NPSR1: variants seen among roughly 807,000 people sequenced by gnomAD.
The protein encoded by NPSR1 is neuropeptide S receptor.
Under a neutral mutation model 46.9 loss-of-function variants are expected in NPSR1, and 48 were observed. The ratio of observed to expected loss-of-function variants is 1.02; its 90% CI spans 0.81 to 1.30. The LOEUF (loss-of-function observed/expected upper bound fraction) is 1.30. NPSR1 is among the 50% of genes most tolerant of loss of function. The probability of loss-of-function intolerance (pLI) is 0.00; values close to 1 mark genes in which losing one functional copy is unlikely to be tolerated. For synonymous variants in NPSR1, 176 were observed against 168.1 expected (o/e 1.05, Z -0.36); for missense variants, 450 against 449.5 (o/e 1.00, Z -0.01).
At chr7:34,683,005 A>C (rs1012259176) in intron 1 of NPSR1, among the ~76,000 whole-genome samples, 1 of 152,140 alleles carries the variant, frequency 6.6e-6, no homozygotes, top group African/African-American at 2.4e-5. Context: ...CCACATCACC[A>C]CAATGCCTAT....
At chr7:34,809,114 T>C in intron 3 of NPSR1, among the ~76,000 whole-genome samples, 1 of 152,116 alleles carries the variant, frequency 6.6e-6, no homozygotes, top group South Asian at 2.1e-4. Flanking sequence ...GGTTCTGCCA[T>C]TGTGTGCTTT....
intron 4 of NPSR1, among the ~76,000 whole-genome samples, chr7:34,813,624 A>G (rs529677432): frequency 1.3e-5 from 2 of 152,334 alleles, no homozygotes; most frequent in East Asian, 3.9e-4. Flanking sequence ...AATGCTAGAT[A>G]TTGTGTACAG....
intron 2 of NPSR1, chr7:34,728,890 A>G (rs1012170780): frequency 3.9e-5 from 6 of 152,662 alleles, no homozygotes; most frequent in African/African-American, 1.4e-4. Flanking sequence ...TTTAGAAAGC[A>G]TTTCTGCTTA....
Position 34,831,313 on chromosome 7 carries a change from TCACACACA to T in NPSR1, c.681-3050_681-3043del, listed in dbSNP as rs34669905. ...TCTCTCTCTCTGTCTCTCACACACA[TCACACACA>T]CACACACACACACACACACAAACAC... On this transcript the variant is annotated intron_variant, in intron 5 of 8. Coordinates refer to ENST00000360581, the MANE Select transcript of NPSR1 (RefSeq NM_207172.2). Among the ~76,000 whole-genome samples the T allele has an allele frequency of 2.5e-3, 377 of 148,168 alleles. 5 individuals carry two copies. Among genetic ancestry groups the T allele is most frequent in the Middle Eastern group, 0.011 (3 of 282 alleles).
At chr7:34,751,343 G>A (rs1785514405) in intron 2 of NPSR1, 1 of 1,017,886 alleles carries the variant, frequency 9.8e-7, no homozygotes, top group Non-Finnish European at 1.6e-6. Flanking sequence ...CCAAGGGTAG[G>A]TGAAGCAGCT....
At chr7:34,738,225 C>T (rs1562691313) in intron 2 of NPSR1, among the ~76,000 whole-genome samples, 1 of 152,140 alleles carries the variant, frequency 6.6e-6, no homozygotes, top group African/African-American at 2.4e-5. Flanking sequence ...TAGGCAATAC[C>T]TTCTTTCACT....
chr7:34,736,464 G>A lies in NPSR1; in HGVS notation c.281-41998G>A, dbSNP rs189641142. ...CCTGCCTCTTTTCATGATATTACTG[G>A]CAAAACTACAACCCTGGTAAAATCC... On this transcript the variant is annotated intron_variant, in intron 2 of 8. Coordinates refer to ENST00000360581, the MANE Select transcript of NPSR1 (RefSeq NM_207172.2). 4.3e-4 allele frequency among the ~76,000 whole-genome samples: 66 copies of A among 151,832 alleles called. 1 individual carries two copies. The highest frequency in any genetic ancestry group is 8.7e-4 in the African/African-American group (36 of 41,340).
At chr7:34,756,279 C>T (rs1290521160) in intron 2 of NPSR1, among the ~76,000 whole-genome samples, 3 of 152,192 alleles carry the variant, frequency 2.0e-5, no homozygotes, top group Non-Finnish European at 4.4e-5. Flanking sequence ...AATCTGTTCC[C>T]ATCTGGCACC....
At chr7:34,725,336 A>T (rs1320555538) in intron 2 of NPSR1, among the ~76,000 whole-genome samples, 1 of 152,190 alleles carries the variant, frequency 6.6e-6, no homozygotes, top group Non-Finnish European at 1.5e-5. Flanking sequence ...TTTATGTAAA[A>T]TTTACTATGT....
chr7:34,777,485 T>G (rs1320657366), intron 2 of NPSR1, among the ~76,000 whole-genome samples: 11 of 104,734 alleles, frequency 1.1e-4, no homozygotes, highest in East Asian at 2.6e-4. Flanking sequence ...TTTAAAACTG[T>G]TTTTTTTTTT....
intron 2 of NPSR1, among the ~76,000 whole-genome samples, chr7:34,730,401 T>C (rs979130973): frequency 1.2e-4 from 18 of 152,180 alleles, no homozygotes; most frequent in African/African-American, 3.9e-4. Context: ...CTGTTTCTGA[T>C]CTCTGCTCAA....
chr7:34,735,347 C>T (rs1266749204), intron 2 of NPSR1, among the ~76,000 whole-genome samples: 1 of 152,130 alleles, frequency 6.6e-6, no homozygotes, highest in African/African-American at 2.4e-5. Context: ...GAGACCACCC[C>T]AGAAGACACA....
chr7:34,741,081 C>A (rs1784918828), intron 2 of NPSR1, among the ~76,000 whole-genome samples: 1 of 152,148 alleles, frequency 6.6e-6, no homozygotes, highest in Non-Finnish European at 1.5e-5. Flanking sequence ...TTGTACATGA[C>A]AAGTCATTTC....
chr7:34,833,300 T>A (rs1790203490), intron 5 of NPSR1, among the ~76,000 whole-genome samples: 1 of 152,178 alleles, frequency 6.6e-6, no homozygotes, highest in Non-Finnish European at 1.5e-5. Context: ...GAAGAGTAGT[T>A]TTTATATTTA....
rs869170591 is a variant in NPSR1 at position 34,689,604 on chromosome 7, C to CAAAAAAA, written c.280+4944_280+4950dup. ...TGGATGACAGAGCCAGACTCTGTCT[C>CAAAAAAA]AAAAAAAAAAAAAAAAAAAAAAAAA... is the stretch of plus-strand genomic sequence containing the variant. On this transcript the variant is annotated intron_variant, in intron 2 of 8. Coordinates refer to ENST00000360581, the MANE Select transcript of NPSR1 (RefSeq NM_207172.2). 5.2e-3 allele frequency among the ~76,000 whole-genome samples: 192 copies of CAAAAAAA among 36,682 alleles called. 10 individuals are homozygous for CAAAAAAA. Among genetic ancestry groups the CAAAAAAA allele is most frequent in the Admixed American group, 0.01 (19 of 1,826 alleles). The allele number at this position is 36,682 out of a possible 152,430, so 24.1% of individuals were successfully genotyped here.
chr7:34,787,862 C>A (rs550526413), intron 3 of NPSR1, among the ~76,000 whole-genome samples: 21 of 152,006 alleles, frequency 1.4e-4, no homozygotes, highest in Non-Finnish European at 3.1e-4. Context: ...CATCAAACAT[C>A]ACTTGATCAC....
At position 34,805,865 on chromosome 7, in the gene NPSR1, C is replaced by T. The variant is rs144949367; in HGVS notation, c.385-5905C>T. Among the ~76,000 whole-genome samples, 1,342 of 151,822 alleles carry T rather than the reference C, an allele frequency of 8.8e-3. 24 individuals carry two copies. The highest frequency in any genetic ancestry group is 0.031 in the African/African-American group (1,276 of 41,466). On this transcript the variant is annotated intron_variant, in intron 3 of 8. Coordinates refer to ENST00000360581, the MANE Select transcript of NPSR1 (RefSeq NM_207172.2). ...ATAAGAAAACAACTCATTTCAAAAA[C>T]GGCCAAAAGATCTGAATAAACCCTT...
chr7:34,812,966 A>G (rs1054616948), intron 4 of NPSR1, among the ~76,000 whole-genome samples: 1 of 152,250 alleles, frequency 6.6e-6, no homozygotes, highest in Admixed American at 6.5e-5. Flanking sequence ...GTCATCAAGG[A>G]TCTACAAGAA....
At chr7:34,839,981 G>T (rs555556032) in intron 6 of NPSR1, among the ~76,000 whole-genome samples, 5 of 152,270 alleles carry the variant, frequency 3.3e-5, no homozygotes, top group Non-Finnish European at 5.9e-5. Flanking sequence ...AATGGGTTTT[G>T]TGAACAGCTC....
Sources: gnomAD v4.1 joint callset for allele counts (sites outside exome capture counted in the v4.1 genomes callset) on GRCh38, gnomAD v4.1.1 for gene constraint, MANE v1.5 for transcripts, NCBI Gene and HGNC (gene_info 2026-07-23, HGNC 2026-07-21) for gene names.